Variants in CACNA1E observed in about 807,000 individuals in gnomAD.
CACNA1E encodes the protein calcium voltage-gated channel subunit alpha1 E.
A neutral mutation model predicts 259.2 loss-of-function variants in CACNA1E; 40 were observed. That is an observed-to-expected ratio of 0.15 (90% confidence interval 0.12 to 0.20). CACNA1E has a LOEUF of 0.20. CACNA1E is among the 10% of genes least tolerant of loss of function. The pLI, the probability that CACNA1E is intolerant of heterozygous loss-of-function variation, is 1.00. For missense variants in CACNA1E, 1,874 were observed against 3,040.1 expected (o/e 0.62, Z 9.02); for synonymous variants, 1,104 against 1,138.5 (o/e 0.97, Z 0.61).
At chr1:181,647,186 G>C (rs1485717426) in intron 6 of CACNA1E, among the ~76,000 whole-genome samples, 2 of 152,178 alleles carry the variant, frequency 1.3e-5, no homozygotes. Context: ...GTGTGGGATG[G>C]AGGGGCTGGC....
chr1:181,522,307 A>G (rs1222161415), intron 3 of CACNA1E, among the ~76,000 whole-genome samples: 1 of 152,168 alleles, frequency 6.6e-6, no homozygotes, highest in Non-Finnish European at 1.5e-5. Context: ...CAGAGTAGAG[A>G]CATAGTCCCT....
At chr1:181,707,913 T>C (rs1652951848) in intron 7 of CACNA1E, among the ~76,000 whole-genome samples, 2 of 152,096 alleles carry the variant, frequency 1.3e-5, no homozygotes, top group African/African-American at 4.8e-5. Context: ...CAGCTGACCA[T>C]AGTAAAGGTC....
intron 3 of CACNA1E, among the ~76,000 whole-genome samples, chr1:181,549,209 A>T (rs1366453315): frequency 6.6e-6 from 1 of 152,146 alleles, no homozygotes; most frequent in Non-Finnish European, 1.5e-5. Flanking sequence ...TGCTACAACC[A>T]CCTGGTGTGG....
intron 3 of CACNA1E, among the ~76,000 whole-genome samples, chr1:181,558,855 A>C (rs1042784790): frequency 6.6e-6 from 1 of 152,178 alleles, no homozygotes; most frequent in African/African-American, 2.4e-5. Flanking sequence ...GTGAAAAATT[A>C]TGAGGACGTT....
chr1:181,360,255 C>A (rs1455100340), intron 1 of CACNA1E, among the ~76,000 whole-genome samples: 1 of 152,222 alleles, frequency 6.6e-6, no homozygotes, highest in African/African-American at 2.4e-5. Context: ...AGGCATATAC[C>A]CCAAAGAACC....
chr1:181,783,976 A>C (rs1195493757), intron 40 of CACNA1E, among the ~76,000 whole-genome samples, 192 bp downstream of exon 40: 2 of 152,174 alleles, frequency 1.3e-5, no homozygotes, highest in East Asian at 3.8e-4. Flanking sequence ...TGGTTTGATA[A>C]TCTCTAGGGC....
intron 7 of CACNA1E, among the ~76,000 whole-genome samples, chr1:181,686,759 A>G (rs1346675463): frequency 6.6e-6 from 1 of 152,178 alleles, no homozygotes; most frequent in African/African-American, 2.4e-5. Context: ...CAGTGAGGAC[A>G]TGGTGTTCAG....
At chr1:181,664,978 A>G (rs1188296851) in intron 7 of CACNA1E, among the ~76,000 whole-genome samples, 1 of 152,224 alleles carries the variant, frequency 6.6e-6, no homozygotes, top group Admixed American at 6.5e-5. Flanking sequence ...CTTTTTGGAT[A>G]TGAAGACAAT....
intron 3 of CACNA1E, among the ~76,000 whole-genome samples, chr1:181,540,276 C>T (rs61814468): frequency 0.075 from 11,383 of 152,164 alleles, 535 homozygotes; most frequent in South Asian, 0.13. Flanking sequence ...TCTCCCAAAC[C>T]GTGGCACAGG....
At chr1:181,399,615 AGGG>A (rs1656944159) in intron 1 of CACNA1E, among the ~76,000 whole-genome samples, 1 of 152,214 alleles carries the variant, frequency 6.6e-6, no homozygotes, top group Non-Finnish European at 1.5e-5. Context: ...ATGACTGTGG[AGGG>A]AATGTGATCG....
Position 181,716,054 on chromosome 1 carries a change from A to G in CACNA1E, c.1240A>G (p.Thr414Ala), listed in dbSNP as rs924424984. ...TSALEVLRRA[T>A]IKRSRTEAMT... The stretch of plus-strand genomic sequence containing the variant: ...CCCTGATGCAGTGCTTCGAAGGGCA[A>G]CCATCAAGAGGAGCCGGACAGAGGC... The change falls in exon 10 of 48, where the codon ACC (threonine) becomes GCC (alanine). Residue 414 changes from threonine to alanine, a missense_variant. Thr to Ala is a moderately conservative substitution (Grantham distance 58, BLOSUM62 0). Coordinates refer to ENST00000367573, the MANE Select transcript of CACNA1E (RefSeq NM_001205293.3). 2.5e-6 allele frequency: 4 copies of G among 1,569,886 alleles called. No homozygotes were observed. The highest frequency in any genetic ancestry group is 1.2e-5 in the South Asian group (1 of 84,986).
intron 1 of CACNA1E, among the ~76,000 whole-genome samples, chr1:181,381,401 A>G (rs1475306242): frequency 6.6e-6 from 1 of 152,240 alleles, no homozygotes; most frequent in African/African-American, 2.4e-5. Context: ...GCCAGGCAAA[A>G]ATGAGTATGT....
intron 3 of CACNA1E, among the ~76,000 whole-genome samples, chr1:181,560,246 T>G (rs1053130770): frequency 2.6e-5 from 4 of 151,432 alleles, no homozygotes; most frequent in South Asian, 2.1e-4. Context: ...AAGTTTTTTT[T>G]TGTGTGTGTG....
chr1:181,433,948 A>G (rs957757879), intron 2 of CACNA1E, among the ~76,000 whole-genome samples: 8 of 152,234 alleles, frequency 5.3e-5, no homozygotes, highest in African/African-American at 1.9e-4. Context: ...AGCAATAGCC[A>G]AATGTGAAAT....
At chr1:181,324,814 T>A (rs949463801) in intron 1 of CACNA1E, among the ~76,000 whole-genome samples, 13 of 151,220 alleles carry the variant, frequency 8.6e-5, no homozygotes, top group African/African-American at 3.2e-4. Flanking sequence ...ACTGAGGGAG[T>A]AGTGTTCTTG....
chr1:181,754,750 A>C (rs979057299), intron 27 of CACNA1E, among the ~76,000 whole-genome samples: 1 of 152,252 alleles, frequency 6.6e-6, no homozygotes, highest in Non-Finnish European at 1.5e-5. Flanking sequence ...AACAAAGATG[A>C]TAGTGTATTA....
At chr1:181,603,143 G>A (rs1388805786) in intron 6 of CACNA1E, among the ~76,000 whole-genome samples, 1 of 152,112 alleles carries the variant, frequency 6.6e-6, no homozygotes, top group African/African-American at 2.4e-5. Context: ...ATATCCTTGG[G>A]GATATTTACT....
intron 3 of CACNA1E, among the ~76,000 whole-genome samples, chr1:181,574,198 G>A (rs1449169218): frequency 6.6e-6 from 1 of 152,150 alleles, no homozygotes; most frequent in Non-Finnish European, 1.5e-5. Flanking sequence ...TTAATACCTA[G>A]GTCACGGGTT....
chr1:181,742,246 C>T (rs139876164), intron 25 of CACNA1E, among the ~76,000 whole-genome samples: 73 of 152,274 alleles, frequency 4.8e-4, no homozygotes, highest in Middle Eastern at 6.8e-3. Flanking sequence ...GCCAGAGTCC[C>T]ACCTGCCAGC....
Sources: gnomAD v4.1 joint callset for allele counts (sites outside exome capture counted in the v4.1 genomes callset) on GRCh38, gnomAD v4.1.1 for gene constraint, MANE v1.5 for transcripts, NCBI Gene and HGNC (gene_info 2026-07-23, HGNC 2026-07-21) for gene names.